SUCLG2: variants seen among roughly 807,000 people sequenced by gnomAD.
SUCLG2 encodes succinate--CoA ligase [GDP-forming] subunit beta, mitochondrial.
A neutral mutation model predicts 47.9 loss-of-function variants in SUCLG2; 42 were observed. The observed-to-expected ratio is 0.88, with a 90% CI of 0.69 to 1.14. The LOEUF (loss-of-function observed/expected upper bound fraction) is 1.14, where lower values mean the gene tolerates loss of function less well. Among genes scored for constraint, SUCLG2 ranks in the 50% most tolerant of loss-of-function variants. The pLI is 0.00. For synonymous variants in SUCLG2, 195 were observed against 197.3 expected, an observed-to-expected ratio of 0.99 and a Z score of 0.10; for missense variants, 571 against 525.9, an observed-to-expected ratio of 1.09 and a Z score of -0.84.
chr3:67,527,242 C>T (rs11709337), intron 4 of SUCLG2, among the ~76,000 whole-genome samples: 84,635 of 152,086 alleles, frequency 0.56, 24,419 homozygotes, highest in Admixed American at 0.63. Context: ...TGATCTGTGA[C>T]GCTATGTCAA....
At chr3:67,381,208 TAA>T (rs1210825527) in intron 10 of SUCLG2, among the ~76,000 whole-genome samples, 1 of 147,878 alleles carries the variant, frequency 6.8e-6, no homozygotes, top group Non-Finnish European at 1.5e-5. Context: ...ATAAATAAAA[TAA>T]AATAAAATAA....
chr3:67,462,520 C>T (rs1422898460), intron 9 of SUCLG2, among the ~76,000 whole-genome samples: 3 of 152,306 alleles, frequency 2.0e-5, no homozygotes, highest in African/African-American at 4.8e-5. Flanking sequence ...AGCTTCTGGA[C>T]GGCTGAATGC....
Position 67,532,862 on chromosome 3 carries a change from T to A in SUCLG2, c.227-3676A>T, listed in dbSNP as rs192560252. Among the ~76,000 whole-genome samples the A allele has an allele frequency of 1.0e-3, 159 of 152,332 alleles. 1 individual carries two copies. The highest frequency in any genetic ancestry group is 1.5e-3 in the Non-Finnish European group (103 of 68,020). On this transcript the variant is annotated intron_variant, in intron 2 of 10. Coordinates refer to ENST00000307227, the MANE Select transcript of SUCLG2 (RefSeq NM_003848.4). ...TGCTTTTACAAATATTTTCTTTTCA[T>A]TCTTTACCACAAGTGTTATTCTAAT...
At chr3:67,414,569 C>A (rs548042172) in intron 9 of SUCLG2, among the ~76,000 whole-genome samples, 2 of 152,324 alleles carry the variant, frequency 1.3e-5, no homozygotes, top group African/African-American at 4.8e-5. Context: ...GCAGTTGCTA[C>A]ACAATCTATC....
intron 1 of SUCLG2, among the ~76,000 whole-genome samples, chr3:67,629,016 A>G (rs1700882731): frequency 6.6e-6 from 1 of 152,238 alleles, no homozygotes; most frequent in African/African-American, 2.4e-5. Context: ...TTGTGGATTC[A>G]GCATGCCTTC....
At chr3:67,421,337 G>A (rs1703153447) in intron 9 of SUCLG2, among the ~76,000 whole-genome samples, 1 of 152,130 alleles carries the variant, frequency 6.6e-6, no homozygotes, top group African/African-American at 2.4e-5. Context: ...CACGCTAACA[G>A]AGTCCTTTTT....
At chr3:67,628,722 G>A (rs1482680094) in intron 1 of SUCLG2, among the ~76,000 whole-genome samples, 2 of 152,174 alleles carry the variant, frequency 1.3e-5, no homozygotes, top group East Asian at 1.9e-4. Flanking sequence ...CCTGTAAAAT[G>A]TGCTTTGCTT....
In SUCLG2 at chr3:67,498,308, GA is replaced by G. The variant is rs1315423221; in HGVS notation, c.758-14del. 5.8e-6 allele frequency: 9 copies of G among 1,548,152 alleles called. No homozygotes were observed. In the East Asian group the frequency reaches 2.2e-4, roughly 38 times the overall value. ...TCAAAACAGACAACTAAATAAAGAAGAAAACAATCATACTTGAATATCTCTT... is the reference window on the plus strand; with the variant it reads ...TCAAAACAGACAACTAAATAAAGAAGAAACAATCATACTTGAATATCTCTT... On this transcript the variant is annotated splice_polypyrimidine_tract_variant and intron_variant, in intron 7 of 10. Coordinates refer to ENST00000307227, the MANE Select transcript of SUCLG2 (RefSeq NM_003848.4).
intron 2 of SUCLG2, among the ~76,000 whole-genome samples, chr3:67,533,540 C>T (rs1575760103): frequency 1.3e-5 from 2 of 152,168 alleles, no homozygotes; most frequent in East Asian, 3.9e-4. Flanking sequence ...TCAGATTTAC[C>T]TATTACCAGA....
At chr3:67,486,435 T>G (rs1412046841) in intron 9 of SUCLG2, among the ~76,000 whole-genome samples, 1 of 152,210 alleles carries the variant, frequency 6.6e-6, no homozygotes, top group Non-Finnish European at 1.5e-5. Flanking sequence ...CTAAAACCAC[T>G]GAATTAGCAA....
chr3:67,512,183 T>C (rs1047644079), intron 6 of SUCLG2, among the ~76,000 whole-genome samples: 1 of 151,270 alleles, frequency 6.6e-6, no homozygotes, highest in Non-Finnish European at 1.5e-5. Context: ...AATGTCACTC[T>C]TATATGGCTT....
chr3:67,438,352 G>A (rs1478863820), intron 9 of SUCLG2, among the ~76,000 whole-genome samples: 1 of 151,724 alleles, frequency 6.6e-6, no homozygotes, highest in Non-Finnish European at 1.5e-5. Context: ...AATTCAAAAG[G>A]TAGCAGAAAA....
In SUCLG2 at chr3:67,654,578, G is replaced by A. The variant is rs1240656884; in HGVS notation, c.9C>T (p.Ser3=). 1.3e-5 allele frequency: 16 copies of A among 1,274,872 alleles called. No individual in the cohort carries two copies. The highest frequency in any genetic ancestry group is 1.5e-5 in the African/African-American group (1 of 65,924). 79.0% of individuals were successfully genotyped at this position (1,274,872 alleles called of 1,614,324 possible). MA[S]PVAAQAGKLL... ...GCTTCCCGGCCTGCGCTGCTACGGG[G>A]GACGCCATCTTAAACAGGAAACTCG... The change falls in exon 1 of 11, where the codon TCC becomes TCT. Residue 3 remains serine, a synonymous_variant. Coordinates refer to ENST00000307227, the MANE Select transcript of SUCLG2 (RefSeq NM_003848.4).
chr3:67,595,630 T>C (rs1708275470), intron 2 of SUCLG2, among the ~76,000 whole-genome samples: 1 of 152,186 alleles, frequency 6.6e-6, no homozygotes, highest in African/African-American at 2.4e-5. Flanking sequence ...ACTGACTGTT[T>C]CTCTATCACT....
chr3:67,596,003 C>A (rs1708284312), intron 2 of SUCLG2, among the ~76,000 whole-genome samples: 1 of 152,202 alleles, frequency 6.6e-6, no homozygotes, highest in Non-Finnish European at 1.5e-5. Flanking sequence ...ATGAGAAAAT[C>A]ATTCCATTTT....
rs565513128 is a variant in SUCLG2 at position 67,504,648 on chromosome 3, G to A, written c.757+4159C>T. 6.4e-4 allele frequency among the ~76,000 whole-genome samples: 98 copies of A among 152,188 alleles called. 1 individual carries two copies. The highest frequency in any genetic ancestry group is 1.7e-3 in the Admixed American group (26 of 15,294). ...TGCGTTGTAGTTTAGCATTATCCAC[G>A]CCAGTAGCATAGCCTCCAAGTTGTG... On this transcript the variant is annotated intron_variant, in intron 7 of 10. Coordinates refer to ENST00000307227, the MANE Select transcript of SUCLG2 (RefSeq NM_003848.4).
chr3:67,493,765 G>A lies in SUCLG2; in HGVS notation c.1062+2033C>T, dbSNP rs182085408. ...GTCTCGGTATTTACAGATTTCAATTGGTTTGGGAATCTCTGGGAGGAAAAT... is the reference window on the plus strand; with the variant it reads ...GTCTCGGTATTTACAGATTTCAATTAGTTTGGGAATCTCTGGGAGGAAAAT... On this transcript the variant is annotated intron_variant, in intron 9 of 10. Transcript: ENST00000307227. 5.8e-4 allele frequency among the ~76,000 whole-genome samples: 89 copies of A among 152,146 alleles called. 2 individuals are homozygous for A. Among genetic ancestry groups the A allele is most frequent in the African/African-American group, 2.0e-3 (82 of 41,506 alleles).
At chr3:67,380,919 C>G (rs1049937594) in intron 10 of SUCLG2, among the ~76,000 whole-genome samples, 1 of 152,188 alleles carries the variant, frequency 6.6e-6, no homozygotes, top group Non-Finnish European at 1.5e-5. Context: ...AGGCATAGCT[C>G]TACTGCCCAC....
intron 9 of SUCLG2, among the ~76,000 whole-genome samples, chr3:67,431,755 G>A (rs1024251897): frequency 6.6e-6 from 1 of 150,514 alleles, no homozygotes; most frequent in African/African-American, 2.4e-5. Flanking sequence ...GCGGGAGGGG[G>A]GAGGGATACC....
Sources: allele counts gnomAD v4.1 joint callset (sites outside exome capture counted in the v4.1 genomes callset), GRCh38; gene constraint gnomAD v4.1.1; transcripts MANE v1.5; gene names NCBI Gene and HGNC (gene_info 2026-07-23, HGNC 2026-07-21).